Variants in PRDX4 observed in about 807,000 individuals in gnomAD.
PRDX4 encodes the protein peroxiredoxin 4, also known as peroxiredoxin-4.
In PRDX4, 12 loss-of-function variants were observed where a neutral mutation model predicts 20.5. That is an observed-to-expected ratio of 0.58 (90% CI 0.37 to 0.95). The LOEUF (loss-of-function observed/expected upper bound fraction) is 0.95, where lower values mean the gene tolerates loss of function less well. PRDX4 is among the 40% of genes least tolerant of loss of function. The pLI is 0.01. For missense variants in PRDX4, 180 were observed against 207.3 expected, an observed-to-expected ratio of 0.87 and a Z score of 0.81; for synonymous variants, 99 against 87.5, an observed-to-expected ratio of 1.13 and a Z score of -0.73.
chrX:23,682,853 A>AAATATATAT (rs1555933130), intron 5 of PRDX4, among the ~76,000 whole-genome samples: 3 of 14,874 alleles, frequency 2.0e-4, no homozygotes, highest in African/African-American at 4.3e-4. Context: ...AAAAAAAAAA[A>AAATATATAT]ATATATATAT....
At chrX:23,678,435 GC>G (rs1299600502) in intron 3 of PRDX4, among the ~76,000 whole-genome samples, 1 of 111,122 alleles carries the variant, frequency 9.0e-6, no homozygotes, top group Non-Finnish European at 1.9e-5. Flanking sequence ...TTCGAGACCA[GC>G]CTGGCCAACA....
At chrX:23,667,837 G>A (rs1927762439) in intron 1 of PRDX4, 26 bp downstream of exon 1, 1 of 1,205,991 alleles carries the variant, frequency 8.3e-7, no homozygotes, top group African/African-American at 1.7e-5. Context: ...CCAAAGGGTG[G>A]GAGGGGAGAT....
chrX:23,674,708 A>G (rs746423324), intron 2 of PRDX4, among the ~76,000 whole-genome samples: 7 of 112,026 alleles, frequency 6.2e-5, no homozygotes, highest in African/African-American at 2.3e-4. Flanking sequence ...AGGGGTGGCT[A>G]TTGCTATAAG....
At chrX:23,673,347 T>C (rs762226985) in intron 2 of PRDX4, among the ~76,000 whole-genome samples, 2 of 112,620 alleles carry the variant, frequency 1.8e-5, no homozygotes, top group South Asian at 7.3e-4. Context: ...TTTGCCACAG[T>C]CTACAAGGAG....
At position 23,667,584 on chromosome X, in the gene PRDX4, C is replaced by CGCTGCT; in HGVS notation, c.15_20dup (p.Leu6_Leu7dup). 1 of 1,187,372 alleles carries CGCTGCT rather than the reference C, an allele frequency of 8.4e-7. No homozygotes were observed. Among genetic ancestry groups the CGCTGCT allele is most frequent in the Non-Finnish European group, 1.1e-6 (1 of 883,909 alleles). ...GCTCGCGTGGTCATGGAGGCGCTGC[C>CGCTGCT]GCTGCTAGCCGCGACAACTCCGGAC... is the stretch of plus-strand genomic sequence containing the variant. On this transcript the variant is annotated inframe_insertion, in exon 1 of 7. Coordinates refer to ENST00000379341, the MANE Select transcript of PRDX4 (RefSeq NM_006406.2).
chrX:23,667,700 C>A lies in PRDX4; in HGVS notation c.130C>A (p.Pro44Thr), dbSNP rs1466134181. 5.8e-6 allele frequency: 7 copies of A among 1,211,332 alleles called. No homozygotes were observed. The Admixed American group carries it at 6.5e-5, about 11-fold the overall frequency. Residue 44 changes from proline (P) to threonine (T), a missense_variant, in exon 1 of 7, where the codon CCC becomes ACC. Physicochemically the swap from Pro to Thr is conservative, Grantham distance 38. Around this residue, in one of 3 missense-constraint regions of PRDX4, gnomAD observed 105 missense variants for 114.2 expected, o/e 0.92. Coordinates refer to ENST00000379341, the MANE Select transcript of PRDX4 (RefSeq NM_006406.2). ...GCAGGGCTGGGAGACAGAGGAGAGG[C>A]CCCGGACTCGCGAAGAGGAGTGCCA... ...AVQGWETEER[P>T]RTREEECHFY...
intron 4 of PRDX4, among the ~76,000 whole-genome samples, chrX:23,680,278 G>A (rs1928040419): frequency 9.0e-6 from 1 of 111,698 alleles, no homozygotes; most frequent in African/African-American, 3.3e-5. Context: ...TTTGCAACCT[G>A]ACTCCAGTAA....
chrX:23,685,909 G>A, intron 6 of PRDX4: 1 of 194,237 alleles, frequency 5.1e-6, no homozygotes, highest in Middle Eastern at 8.0e-4. Context: ...CTCCTTTTCA[G>A]ATAATTGTGA....
intron 1 of PRDX4, among the ~76,000 whole-genome samples, chrX:23,669,306 G>C (rs900937983): frequency 8.9e-6 from 1 of 112,106 alleles, no homozygotes; most frequent in African/African-American, 3.2e-5. Context: ...GCCTGGGAAA[G>C]TATTTTAAAT....
chrX:23,671,347 G>T, intron 1 of PRDX4, 182 bp from the exon 2 acceptor site: 1 of 351,199 alleles, frequency 2.8e-6, no homozygotes, highest in Non-Finnish European at 4.9e-6. Context: ...GGTTTCTTTT[G>T]TAATTCTATG....
chrX:23,673,488 C>T (rs1007806621), intron 2 of PRDX4, among the ~76,000 whole-genome samples: 1 of 112,658 alleles, frequency 8.9e-6, no homozygotes, highest in Non-Finnish European at 1.9e-5. Flanking sequence ...TGCAGTGGCT[C>T]ACGCCTGTAA....
chrX:23,676,203 A>G (rs1451865126), intron 3 of PRDX4, among the ~76,000 whole-genome samples: 1 of 108,794 alleles, frequency 9.2e-6, no homozygotes, highest in African/African-American at 3.3e-5. Flanking sequence ...ATAATATTCA[A>G]TTTATTAAAG....
intron 6 of PRDX4, 114 bp from the exon 7 acceptor site, chrX:23,686,171 A>G (rs1928179941): frequency 2.0e-6 from 1 of 507,410 alleles, no homozygotes; most frequent in South Asian, 3.9e-5. Context: ...TAAATATACA[A>G]TCTGATATAC....
chrX:23,679,633 C>G (rs1194208867), intron 4 of PRDX4, among the ~76,000 whole-genome samples: 1 of 98,698 alleles, frequency 1.0e-5, no homozygotes. Flanking sequence ...TTTCAGTGAG[C>G]CCAGATCATG....
intron 3 of PRDX4, among the ~76,000 whole-genome samples, chrX:23,676,852 GAAAGAC>G (rs1461531046): frequency 2.8e-5 from 3 of 108,309 alleles, no homozygotes; most frequent in Admixed American, 1.0e-4. Context: ...TTTAAAAAAA[GAAAGAC>G]AGGGTCTTAC....
rs184750121 is a variant in PRDX4 at position 23,674,794 on chromosome X, C to G, written c.360-196C>G. Among the ~76,000 whole-genome samples the G allele has an allele frequency of 3.2e-3, 363 of 111,775 alleles. 2 individuals are homozygous for G. The highest frequency in any genetic ancestry group is 0.011 in the African/African-American group (346 of 30,908). On this transcript the variant is annotated intron_variant, in intron 2 of 6. Transcript: ENST00000379341. ...GTTTATTGAGATGTAGTTGGGAACT[C>G]TGTAATATGTTTCTGTCTTAAATAT...
intron 1 of PRDX4, among the ~76,000 whole-genome samples, chrX:23,670,543 C>G (rs1927823876): frequency 8.9e-6 from 1 of 111,962 alleles, no homozygotes; most frequent in Non-Finnish European, 1.9e-5. Context: ...TTCTAGGACC[C>G]TTAGCCAAAC....
chrX:23,679,253 G>A lies in PRDX4; in HGVS notation c.565G>A (p.Gly189Ser). The A allele has an allele frequency of 1.7e-6, 2 of 1,207,406 alleles. No homozygotes were observed. Among genetic ancestry groups the A allele is most frequent in the Non-Finnish European group, 2.2e-6 (2 of 892,075 alleles). The stretch of plus-strand genomic sequence containing the variant: ...GACCCATCAGATCTCAAAGGACTAT[G>A]GTGTATACCTAGAGGACTCAGGCCA... ...DLTHQISKDYGVYLEDSGHTL... is the reference protein window; with the variant it reads ...DLTHQISKDYSVYLEDSGHTL... Residue 189 changes from glycine (G) to serine (S), a missense_variant, in exon 4 of 7, where the codon GGT (glycine) becomes AGT (serine). Around this residue, in one of 3 missense-constraint regions of PRDX4, gnomAD observed 73 missense variants for 76.5 expected, o/e 0.95. Transcript: ENST00000379341.
At chrX:23,682,559 G>C in intron 5 of PRDX4, 33 bp downstream of exon 5, 1 of 1,063,440 alleles carries the variant, frequency 9.4e-7, no homozygotes, top group Non-Finnish European at 1.2e-6. Context: ...TGATTTTTTA[G>C]TTTGAAAGAT....
Sources: allele counts gnomAD v4.1 joint callset (sites outside exome capture counted in the v4.1 genomes callset), GRCh38; gene constraint gnomAD v4.1.1; regional missense constraint gnomAD v4.1.1; transcripts MANE v1.5; gene names NCBI Gene and HGNC (gene_info 2026-07-23, HGNC 2026-07-21).